CTNNA2: variants seen among roughly 807,000 people sequenced by gnomAD.
CTNNA2 encodes catenin alpha-2.
In CTNNA2, 42 loss-of-function variants were observed where a neutral mutation model predicts 101.0. That is an observed-to-expected ratio of 0.42 (90% confidence interval 0.32 to 0.54). The LOEUF is 0.54. Among genes scored for constraint, CTNNA2 ranks in the 20% least tolerant of loss-of-function variants. The pLI, the probability that CTNNA2 is intolerant of heterozygous loss-of-function variation, is 0.14. For missense variants in CTNNA2, 871 were observed against 1,223.1 expected, an observed-to-expected ratio of 0.71 and a Z score of 4.29; for synonymous variants, 450 against 456.4, an observed-to-expected ratio of 0.99 and a Z score of 0.18.
chr2:80,191,445 C>T (rs1371435616), intron 7 of CTNNA2, among the ~76,000 whole-genome samples: 1 of 152,146 alleles, frequency 6.6e-6, no homozygotes, highest in Admixed American at 6.5e-5. Flanking sequence ...GTAATCCCTG[C>T]AAATCCTGTC....
intron 18 of CTNNA2, among the ~76,000 whole-genome samples, chr2:80,636,349 C>A (rs1558666307): frequency 6.6e-6 from 1 of 152,174 alleles, no homozygotes; most frequent in South Asian, 2.1e-4. Flanking sequence ...CATTTATAAC[C>A]CACTTTGTAG....
rs188329972 is a variant in CTNNA2 at position 79,833,883 on chromosome 2, C to T, written c.299-24130C>T. 9.3e-4 allele frequency among the ~76,000 whole-genome samples: 142 copies of T among 152,170 alleles called. 1 individual carries two copies. The highest frequency in any genetic ancestry group is 1.6e-3 in the Non-Finnish European group (110 of 67,964). On this transcript the variant is annotated intron_variant, in intron 3 of 18. Transcript: ENST00000402739. ...ATTAGTAATATTATATTGAATGTAT[C>T]GTTTACCATTTGCACTTTTTCTAAA...
chr2:80,390,426 G>A (rs1053265817), intron 7 of CTNNA2, among the ~76,000 whole-genome samples: 1 of 152,126 alleles, frequency 6.6e-6, no homozygotes, highest in Non-Finnish European at 1.5e-5. Context: ...CACATCTAAG[G>A]GATGTGTGTT....
At chr2:80,316,726 T>C (rs1678161253) in intron 7 of CTNNA2, among the ~76,000 whole-genome samples, 1 of 152,222 alleles carries the variant, frequency 6.6e-6, no homozygotes, top group African/African-American at 2.4e-5. Context: ...TGATGTTCTT[T>C]TAACTATATA....
rs1030023594 is a variant in CTNNA2 at position 80,444,703 on chromosome 2, A to G, written c.1290+25102A>G. Among the ~76,000 whole-genome samples, 4 of 152,172 alleles carry G rather than the reference A, an allele frequency of 2.6e-5. No individual in the cohort carries two copies. In the South Asian group the frequency reaches 8.3e-4, roughly 32 times the overall value. On this transcript the variant is annotated intron_variant, in intron 9 of 18. Transcript: ENST00000402739. The stretch of plus-strand genomic sequence containing the variant: ...GTGATTAGCGTCCTTATAGGAAGAG[A>G]CAGGAGAGAGTTTATTTTCTCTCTA...
At chr2:79,227,966 A>G (rs550496083) in intron 2 of CTNNA2, among the ~76,000 whole-genome samples, 4 of 152,238 alleles carry the variant, frequency 2.6e-5, no homozygotes, top group African/African-American at 9.6e-5. Context: ...CGTACATTCA[A>G]TGTTTAACTC....
intron 7 of CTNNA2, among the ~76,000 whole-genome samples, chr2:80,101,880 G>A (rs1700568909): frequency 6.6e-6 from 1 of 152,166 alleles, no homozygotes; most frequent in African/African-American, 2.4e-5. Context: ...GGTTGGCAAG[G>A]GAGGGAGTCT....
At chr2:79,482,811 C>A (rs1469536474) in intron 4 of CTNNA2, among the ~76,000 whole-genome samples, 2 of 152,176 alleles carry the variant, frequency 1.3e-5, no homozygotes, top group Non-Finnish European at 2.9e-5. Context: ...GGTTCTCAGA[C>A]AAGGGCAATT....
In CTNNA2 at chr2:80,131,087, T is replaced by C. The variant is rs558574411; in HGVS notation, c.1056+221290T>C. 3.9e-5 allele frequency among the ~76,000 whole-genome samples: 6 copies of C among 152,218 alleles called. 1 individual carries two copies. Among genetic ancestry groups the C allele is most frequent in the African/African-American group, 1.4e-4 (6 of 41,544 alleles). The stretch of plus-strand genomic sequence containing the variant: ...TGTTTGTTTGTTTTGAGACAGAGTC[T>C]GTCTCTGTCGCCCAGGTTGGAGTGC... On this transcript the variant is annotated intron_variant, in intron 7 of 18. Coordinates refer to ENST00000402739, the MANE Select transcript of CTNNA2 (RefSeq NM_001282597.3).
intron 7 of CTNNA2, among the ~76,000 whole-genome samples, chr2:79,954,937 T>C (rs1160425725): frequency 6.6e-6 from 1 of 152,130 alleles, no homozygotes; most frequent in African/African-American, 2.4e-5. Flanking sequence ...ACATACCAAC[T>C]TCAGAAGAAA....
chr2:79,517,498 T>G (rs1671869722), intron 1 of CTNNA2, among the ~76,000 whole-genome samples: 1 of 152,172 alleles, frequency 6.6e-6, no homozygotes. Context: ...GTAAATATAC[T>G]TCTAAAAACT....
intron 9 of CTNNA2, among the ~76,000 whole-genome samples, chr2:80,470,864 G>C (rs1294376839): frequency 6.6e-6 from 1 of 152,194 alleles, no homozygotes; most frequent in Non-Finnish European, 1.5e-5. Flanking sequence ...AAAAAGGGGA[G>C]AAGAGTTTCA....
At chr2:79,981,116 G>A (rs539646188) in intron 7 of CTNNA2, among the ~76,000 whole-genome samples, 2 of 151,986 alleles carry the variant, frequency 1.3e-5, no homozygotes, top group African/African-American at 4.8e-5. Context: ...TTCTGTCCTG[G>A]TTTCTTTGAA....
chr2:80,024,090 A>C (rs1004307350), intron 7 of CTNNA2, among the ~76,000 whole-genome samples: 32 of 146,734 alleles, frequency 2.2e-4, no homozygotes, highest in Non-Finnish European at 4.1e-4. Context: ...CCGTCTCAGA[A>C]AAAAAAAAAA....
At position 80,504,311 on chromosome 2, in the gene CTNNA2, A is replaced by T. The variant is rs560191592; in HGVS notation, c.1291-40671A>T. ...TGCCACATGGTTCTCTCCACTGTAGAGCGAGTTTTTTAATTTATTAGGAGA... is the reference window on the plus strand; with the variant it reads ...TGCCACATGGTTCTCTCCACTGTAGTGCGAGTTTTTTAATTTATTAGGAGA... On this transcript the variant is annotated intron_variant, in intron 9 of 18. Transcript: ENST00000402739. 7.2e-5 allele frequency among the ~76,000 whole-genome samples: 11 copies of T among 152,276 alleles called. No individual in the cohort carries two copies. In the South Asian group the frequency reaches 1.5e-3, roughly 20 times the overall value.
chr2:80,425,534 C>T (rs1197320198), intron 9 of CTNNA2, among the ~76,000 whole-genome samples: 1 of 152,056 alleles, frequency 6.6e-6, no homozygotes, highest in African/African-American at 2.4e-5. Context: ...CCCAGGGCGC[C>T]TTTGATCTCT....
At chr2:79,780,145 G>A (rs1206445687) in intron 3 of CTNNA2, among the ~76,000 whole-genome samples, 1 of 152,054 alleles carries the variant, frequency 6.6e-6, no homozygotes, top group African/African-American at 2.4e-5. Context: ...CTAGAACTTG[G>A]AAGCCTGGCT....
At chr2:79,757,526 G>A (rs1470199627) in intron 3 of CTNNA2, among the ~76,000 whole-genome samples, 2 of 152,088 alleles carry the variant, frequency 1.3e-5, no homozygotes, top group African/African-American at 4.8e-5. Flanking sequence ...ATTTAAAGAG[G>A]CATGCAAGGA....
At chr2:80,391,544 A>G (rs544289383) in intron 7 of CTNNA2, among the ~76,000 whole-genome samples, 1 of 152,212 alleles carries the variant, frequency 6.6e-6, no homozygotes, top group Admixed American at 6.5e-5. Context: ...TATGATTTTC[A>G]GAAGGATCAT....
Sources: allele counts gnomAD v4.1 joint callset (sites outside exome capture counted in the v4.1 genomes callset), GRCh38; gene constraint gnomAD v4.1.1; transcripts MANE v1.5; gene names NCBI Gene and HGNC (gene_info 2026-07-23, HGNC 2026-07-21).